MACROD2: variants seen among roughly 807,000 people sequenced by gnomAD.
MACROD2 encodes the protein ADP-ribose glycohydrolase MACROD2.
Under a neutral mutation model 70.4 loss-of-function variants are expected in MACROD2, and 36 were observed. The ratio of observed to expected loss-of-function variants is 0.51; its 90% CI spans 0.39 to 0.68. MACROD2 has a LOEUF of 0.68. Among genes scored for constraint, MACROD2 ranks in the 30% least tolerant of loss-of-function variants. The pLI is 0.00. For synonymous variants in MACROD2, 172 were observed against 178.8 expected (o/e 0.96, Z 0.30); for missense variants, 496 against 538.4 (o/e 0.92, Z 0.78).
chr20:15,924,361 T>G (rs1359447003), intron 10 of MACROD2, among the ~76,000 whole-genome samples: 2 of 152,138 alleles, frequency 1.3e-5, no homozygotes, highest in Non-Finnish European at 2.9e-5. Context: ...AGACAGACAC[T>G]TGCACTCACA....
intron 8 of MACROD2, among the ~76,000 whole-genome samples, chr20:15,800,355 T>C (rs2063712864): frequency 6.6e-6 from 1 of 152,214 alleles, no homozygotes; most frequent in Non-Finnish European, 1.5e-5. Flanking sequence ...ACAAAGTCTT[T>C]GCCTAGACCA....
chr20:15,179,220 T>C (rs570637664), intron 5 of MACROD2, among the ~76,000 whole-genome samples: 2 of 152,200 alleles, frequency 1.3e-5, no homozygotes, highest in Non-Finnish European at 2.9e-5. Flanking sequence ...TGTAAATATA[T>C]AGGAAGTTAT....
chr20:15,915,298 A>G (rs567890165), intron 10 of MACROD2, among the ~76,000 whole-genome samples: 14 of 152,134 alleles, frequency 9.2e-5, no homozygotes, highest in Non-Finnish European at 1.6e-4. Context: ...CGAGGGGCCC[A>G]CCAAGAACCA....
At chr20:14,934,715 A>G (rs1250923590) in intron 5 of MACROD2, among the ~76,000 whole-genome samples, 1 of 152,140 alleles carries the variant, frequency 6.6e-6, no homozygotes, top group African/African-American at 2.4e-5. Flanking sequence ...TGAACTCAGG[A>G]GGTGGAGGTT....
chr20:14,973,202 A>C (rs1436913061), intron 5 of MACROD2, among the ~76,000 whole-genome samples: 4 of 145,170 alleles, frequency 2.8e-5, no homozygotes, highest in Non-Finnish European at 4.5e-5. Context: ...GATTAGCTAG[A>C]GTGCCTAAGA....
chr20:15,128,427 A>G (rs2076081974), intron 5 of MACROD2, among the ~76,000 whole-genome samples: 5 of 152,076 alleles, frequency 3.3e-5, no homozygotes, highest in Admixed American at 3.3e-4. Flanking sequence ...GAAAGATTAA[A>G]TTATGTTTTA....
intron 8 of MACROD2, among the ~76,000 whole-genome samples, chr20:15,852,929 T>C (rs2064316265): frequency 6.6e-6 from 1 of 152,144 alleles, no homozygotes; most frequent in Admixed American, 6.6e-5. Flanking sequence ...GAGGACTCCT[T>C]GATTTCAGGA....
At chr20:14,849,813 C>T in intron 5 of MACROD2, 1 of 339,636 alleles carries the variant, frequency 2.9e-6, no homozygotes, top group African/African-American at 2.1e-5. Context: ...GTAACTCTCA[C>T]ATCTAAAGAG....
chr20:15,534,234 GAC>G (rs2047843773), intron 8 of MACROD2, among the ~76,000 whole-genome samples: 1 of 152,132 alleles, frequency 6.6e-6, no homozygotes, highest in South Asian at 2.1e-4. Context: ...GCTACATGTA[GAC>G]ACACATCCTT....
intron 5 of MACROD2, among the ~76,000 whole-genome samples, chr20:15,104,782 T>C (rs1025495583): frequency 7.9e-5 from 12 of 152,176 alleles, no homozygotes; most frequent in African/African-American, 2.9e-4. Flanking sequence ...TAACTTTATA[T>C]GCCATATTTA....
At chr20:15,865,657 A>G (rs1434680912) in intron 9 of MACROD2, among the ~76,000 whole-genome samples, 2 of 152,200 alleles carry the variant, frequency 1.3e-5, no homozygotes, top group Non-Finnish European at 2.9e-5. Context: ...GGGTTCAGAT[A>G]TGTATGTCAG....
At chr20:15,726,356 C>A (rs1406646971) in intron 8 of MACROD2, among the ~76,000 whole-genome samples, 4 of 152,118 alleles carry the variant, frequency 2.6e-5, no homozygotes, top group Non-Finnish European at 5.9e-5. Context: ...GTTAAGGTTT[C>A]ATGTCTTTCT....
intron 4 of MACROD2, among the ~76,000 whole-genome samples, chr20:14,549,257 G>T (rs1166142578): frequency 6.6e-6 from 1 of 152,054 alleles, no homozygotes; most frequent in East Asian, 1.9e-4. Flanking sequence ...GGGAGAGGAG[G>T]AATTACTTAA....
chr20:14,965,196 C>A (rs2074621604), intron 5 of MACROD2, among the ~76,000 whole-genome samples: 1 of 152,024 alleles, frequency 6.6e-6, no homozygotes, highest in African/African-American at 2.4e-5. Flanking sequence ...CAGCTGGTGT[C>A]AGTTTAAAAG....
intron 2 of MACROD2, among the ~76,000 whole-genome samples, chr20:14,054,215 A>G (rs975706424): frequency 2.6e-5 from 4 of 151,454 alleles, no homozygotes; most frequent in Admixed American, 2.0e-4. Context: ...AGTGAAAGCT[A>G]CCAGGATGGG....
At position 14,745,519 on chromosome 20, in the gene MACROD2, G is replaced by A. The variant is rs1328859227; in HGVS notation, c.418+60560G>A. Among the ~76,000 whole-genome samples the A allele has an allele frequency of 5.9e-5, 9 of 152,140 alleles. No homozygotes were observed. The South Asian group carries it at 1.7e-3, about 28-fold the overall frequency. On this transcript the variant is annotated intron_variant, in intron 5 of 17. Coordinates refer to ENST00000684519, the MANE Select transcript of MACROD2 (RefSeq NM_001351661.2). ...AGAGATGGATATCATAGTGGTTAAG[G>A]CTATGGCTGTGGATATAGACTTTCA...
rs554049773 is a variant in MACROD2 at position 15,067,684 on chromosome 20, A to G, written c.419-162256A>G. Among the ~76,000 whole-genome samples the G allele has an allele frequency of 2.5e-3, 375 of 152,168 alleles. 3 individuals carry two copies. Among genetic ancestry groups the G allele is most frequent in the Non-Finnish European group, 2.2e-3 (151 of 68,020 alleles). Reference sequence around the variant, plus strand: ...TTATTAAGAGCTCTTTCAGATGACTATGTTTTTCAAGCTTTGTATAAACAT... The same window carrying G: ...TTATTAAGAGCTCTTTCAGATGACTGTGTTTTTCAAGCTTTGTATAAACAT... On this transcript the variant is annotated intron_variant, in intron 5 of 17. Transcript: ENST00000684519.
At chr20:15,691,910 A>T (rs975464758) in intron 8 of MACROD2, among the ~76,000 whole-genome samples, 1 of 152,158 alleles carries the variant, frequency 6.6e-6, no homozygotes, top group Non-Finnish European at 1.5e-5. Flanking sequence ...TTAATTTCTC[A>T]TGTCAACCTG....
At chr20:15,828,953 G>A (rs769116313) in intron 8 of MACROD2, among the ~76,000 whole-genome samples, 111 of 152,250 alleles carry the variant, frequency 7.3e-4, no homozygotes, top group Non-Finnish European at 1.3e-3. Context: ...ATTTTTTAGA[G>A]AAGATTGTTA....
Sources: gnomAD v4.1 joint callset for allele counts (sites outside exome capture counted in the v4.1 genomes callset) on GRCh38, gnomAD v4.1.1 for gene constraint, MANE v1.5 for transcripts, NCBI Gene and HGNC (gene_info 2026-07-23, HGNC 2026-07-21) for gene names.